TFB2M: variants seen among roughly 807,000 people sequenced by gnomAD.
The protein encoded by TFB2M is dimethyladenosine transferase 2, mitochondrial.
Under a neutral mutation model 41.3 loss-of-function variants are expected in TFB2M, and 44 were observed. The observed-to-expected ratio is 1.07, with a 90% CI of 0.84 to 1.37. The LOEUF (loss-of-function observed/expected upper bound fraction) is 1.37. TFB2M is among the 40% of genes most tolerant of loss of function. TFB2M has a pLI of 0.00. For synonymous variants in TFB2M, 188 were observed against 176.8 expected (o/e 1.06, Z -0.50); for missense variants, 496 against 490.2 (o/e 1.01, Z -0.11).
Position 246,541,345 on chromosome 1 carries a change from AG to A in TFB2M, c.1020-144del, listed in dbSNP as rs1308269965. The stretch of plus-strand genomic sequence containing the variant: ...CTATAATGGACACGGGAGAATCAGC[AG>A]GGAAGAGGATGGGAGGAGGGTGAAG... On this transcript the variant is annotated intron_variant, in intron 7 of 7. Coordinates refer to ENST00000366514, the MANE Select transcript of TFB2M (RefSeq NM_022366.3). 5.4e-6 allele frequency: 4 copies of A among 745,168 alleles called. No individual in the cohort carries two copies. The African/African-American group carries it at 7.1e-5, about 13-fold the overall frequency. 46.2% of individuals were successfully genotyped at this position (745,168 alleles called of 1,614,324 possible).
intron 2 of TFB2M, among the ~76,000 whole-genome samples, chr1:246,558,108 A>T (rs529653558): frequency 7.6e-4 from 116 of 152,070 alleles, no homozygotes; most frequent in Non-Finnish European, 1.5e-3. Context: ...ACCAAGAAAA[A>T]GCCCCCCAAA....
At position 246,541,189 on chromosome 1, in the gene TFB2M, G is replaced by C. The variant is rs1468397858; in HGVS notation, c.1033C>G (p.Leu345Val). The part of the protein sequence containing the change: ...VIDHLRSLTP[L>V]DARDILMQIG... ...TGCATCAATATATCTCTCGCATCAA[G>C]TGGAGTCAATGAACTGCAAAAGAAA... is the stretch of plus-strand genomic sequence containing the variant. Residue 345 changes from leucine to valine, a missense_variant, in exon 8 of 8, where the codon CTT becomes GTT. Leu to Val is a conservative substitution (Grantham distance 32). Coordinates refer to ENST00000366514, the MANE Select transcript of TFB2M (RefSeq NM_022366.3). 6.2e-7 allele frequency: 1 copy of C among 1,613,738 alleles called. No individual in the cohort carries two copies. Among genetic ancestry groups the C allele is most frequent in the Non-Finnish European group, 8.5e-7 (1 of 1,179,872 alleles).
intron 6 of TFB2M, 111 bp downstream of exon 6, chr1:246,548,434 G>A: frequency 1.2e-6 from 1 of 837,202 alleles, no homozygotes. Flanking sequence ...AATGTTTCTA[G>A]ATATTTTAAA....
Position 246,544,557 on chromosome 1 carries a change from A to G in TFB2M, c.983T>C (p.Phe328Ser). The G allele has an allele frequency of 6.2e-7, 1 of 1,609,948 alleles. No homozygotes were observed. Among genetic ancestry groups the G allele is most frequent in the Non-Finnish European group, 8.5e-7 (1 of 1,179,122 alleles). ...NIFFHLLKHC[F>S]GRRSATVIDH... is the part of the protein sequence containing the mutation. Reference sequence around the variant, plus strand: ...TATTACAGTGGCGCTGCGCCTCCCAAAACAGTGCTTTAACAAGTGAAAAAA... The same window carrying G: ...TATTACAGTGGCGCTGCGCCTCCCAGAACAGTGCTTTAACAAGTGAAAAAA... The change falls in exon 7 of 8, where the codon TTT becomes TCT. Residue 328 changes from phenylalanine (F) to serine (S), a missense_variant. Transcript: ENST00000366514.
At chr1:246,545,473 C>T (rs148725370) in intron 6 of TFB2M, among the ~76,000 whole-genome samples, 1 of 151,312 alleles carries the variant, frequency 6.6e-6, no homozygotes, top group Non-Finnish European at 1.5e-5. Context: ...TGAGAGCATG[C>T]CACTGCACTC....
chr1:246,563,477 G>A (rs1010749111), intron 2 of TFB2M, among the ~76,000 whole-genome samples: 38 of 151,942 alleles, frequency 2.5e-4, no homozygotes, highest in Non-Finnish European at 4.3e-4. Flanking sequence ...AGTGGCGGGC[G>A]CCTGTAATCC....
At chr1:246,548,634 A>T (rs768848989) in intron 5 of TFB2M, 27 bp from the exon 6 acceptor site, 2 of 1,603,176 alleles carry the variant, frequency 1.2e-6, no homozygotes, top group Non-Finnish European at 8.5e-7. Flanking sequence ...AAGCAAAACA[A>T]CATCTTTTAT....
In TFB2M at chr1:246,563,170, T is replaced by C. The variant is rs180693309; in HGVS notation, c.402+1176A>G. Among the ~76,000 whole-genome samples the C allele has an allele frequency of 1.3e-3, 197 of 151,516 alleles. 1 individual carries two copies. Among genetic ancestry groups the C allele is most frequent in the African/African-American group, 4.6e-3 (188 of 41,232 alleles). ...TCAACAGCTGACACAGGGATTCTGA[T>C]GCTGCTGTGCTGCTTAGTTTCTCTG... On this transcript the variant is annotated intron_variant, in intron 2 of 7. Coordinates refer to ENST00000366514, the MANE Select transcript of TFB2M (RefSeq NM_022366.3).
intron 4 of TFB2M, among the ~76,000 whole-genome samples, chr1:246,555,396 T>C (rs535269822): frequency 3.0e-4 from 45 of 152,260 alleles, no homozygotes; most frequent in African/African-American, 1.0e-3. Flanking sequence ...GAGGCCAGCC[T>C]GAGCAACATG....
At position 246,548,534 on chromosome 1, in the gene TFB2M, TTTA is replaced by T. The variant is rs1404812691; in HGVS notation, c.858+8_858+10del. 1 of 1,611,484 alleles carries T rather than the reference TTTA, an allele frequency of 6.2e-7. No homozygotes were observed. The highest frequency in any genetic ancestry group is 1.1e-5 in the South Asian group (1 of 90,650). On this transcript the variant is annotated splice_region_variant and intron_variant, in intron 6 of 7. Transcript: ENST00000366514. ...AGGGAGAAAAAGGAAAAGGTATTATTTTATTCTTACCCTACGCTTTGGGTTTTC... is the reference window on the plus strand; with the variant it reads ...AGGGAGAAAAAGGAAAAGGTATTATTTTCTTACCCTACGCTTTGGGTTTTC...
intron 2 of TFB2M, among the ~76,000 whole-genome samples, chr1:246,558,766 T>A (rs1243299611): frequency 1.3e-5 from 2 of 152,256 alleles, no homozygotes; most frequent in South Asian, 4.1e-4. Context: ...TTACTTTTTC[T>A]AAAGACAGAA....
At chr1:246,542,778 C>T (rs1326874754) in intron 7 of TFB2M, among the ~76,000 whole-genome samples, 1 of 152,062 alleles carries the variant, frequency 6.6e-6, no homozygotes, top group Non-Finnish European at 1.5e-5. Context: ...TGATTTACAA[C>T]ATTTATTCCT....
intron 1 of TFB2M, 32 bp downstream of exon 1, chr1:246,565,794 C>T (rs760884314): frequency 6.3e-7 from 1 of 1,582,052 alleles, no homozygotes; most frequent in Admixed American, 1.7e-5. Context: ...AAATGATGAA[C>T]ATCCAAGAAA....
intron 3 of TFB2M, 142 bp downstream of exon 3, chr1:246,557,239 C>G (rs1404255538): frequency 7.2e-6 from 7 of 966,564 alleles, no homozygotes; most frequent in Non-Finnish European, 1.1e-5. Flanking sequence ...CGCCACTGCA[C>G]TCCAGCCTGG....
chr1:246,561,733 T>C (rs1659460866), intron 2 of TFB2M, among the ~76,000 whole-genome samples: 1 of 152,218 alleles, frequency 6.6e-6, no homozygotes, highest in South Asian at 2.1e-4. Flanking sequence ...CCTCCCAAAG[T>C]GCTGGGATTA....
intron 6 of TFB2M, among the ~76,000 whole-genome samples, chr1:246,545,775 G>GCACTC (rs1269231912): frequency 7.5e-6 from 1 of 134,112 alleles, no homozygotes; most frequent in East Asian, 2.2e-4. Context: ...TTACGCCATT[G>GCACTC]CACTCCAGCC....
intron 5 of TFB2M, among the ~76,000 whole-genome samples, chr1:246,550,472 G>A (rs1057392432): frequency 3.5e-4 from 51 of 147,234 alleles, no homozygotes; most frequent in African/African-American, 1.2e-3. Flanking sequence ...AATCAAATGA[G>A]ATAACATTCC....
intron 2 of TFB2M, among the ~76,000 whole-genome samples, chr1:246,557,877 G>A (rs1221240551): frequency 1.3e-5 from 2 of 152,100 alleles, no homozygotes; most frequent in South Asian, 2.1e-4. Context: ...CACCATGTTG[G>A]CCAGGAGAGC....
intron 6 of TFB2M, 117 bp downstream of exon 6, chr1:246,548,428 T>C (rs575333734): frequency 2.0e-5 from 16 of 795,852 alleles, no homozygotes; most frequent in Admixed American, 9.0e-5. Context: ...TTAAAGAATG[T>C]TTCTAGATAT....
Sources: gnomAD v4.1 joint callset for allele counts (sites outside exome capture counted in the v4.1 genomes callset) on GRCh38, gnomAD v4.1.1 for gene constraint, MANE v1.5 for transcripts, NCBI Gene and HGNC (gene_info 2026-07-23, HGNC 2026-07-21) for gene names.